SCAMP1: variants seen among roughly 807,000 people sequenced by gnomAD.
The protein encoded by SCAMP1 is secretory carrier-associated membrane protein 1.
A neutral mutation model predicts 41.8 loss-of-function variants in SCAMP1; 15 were observed. The observed-to-expected ratio is 0.36, with a 90% CI of 0.24 to 0.55. The LOEUF is 0.55. Ranked by LOEUF, SCAMP1 falls within the 20% of genes least tolerant of loss-of-function variation. The pLI is 0.86. For synonymous variants in SCAMP1, 135 were observed against 136.8 expected, an observed-to-expected ratio of 0.99 and a Z score of 0.09; for missense variants, 341 against 412.6, an observed-to-expected ratio of 0.83 and a Z score of 1.50.
intron 2 of SCAMP1, among the ~76,000 whole-genome samples, chr5:78,401,133 A>C (rs1305545046): frequency 6.6e-6 from 1 of 152,124 alleles, no homozygotes; most frequent in Non-Finnish European, 1.5e-5. Context: ...TGATGTAATG[A>C]ATTACATTAA....
intron 2 of SCAMP1, among the ~76,000 whole-genome samples, chr5:78,412,560 A>AT (rs1752106462): frequency 6.6e-6 from 1 of 151,924 alleles, no homozygotes; most frequent in Admixed American, 6.5e-5. Flanking sequence ...ATGCACCACC[A>AT]TTGTGTATAT....
At chr5:78,408,755 C>T (rs1014900861) in intron 2 of SCAMP1, among the ~76,000 whole-genome samples, 5 of 152,086 alleles carry the variant, frequency 3.3e-5, no homozygotes, top group Non-Finnish European at 7.4e-5. Context: ...TGTGCCACCA[C>T]ACTTGGTAAA....
rs1057298544 is a variant in SCAMP1, at chr5:78,479,099, GTTTATA to G, written c.*3433_*3438del. 1.3e-5 allele frequency: 2 copies of G among 152,070 alleles called. No homozygotes were observed. Among genetic ancestry groups the G allele is most frequent in the Non-Finnish European group, 2.9e-5 (2 of 67,980 alleles). 9.4% of individuals were successfully genotyped at this position (152,070 alleles called of 1,614,324 possible). A position where few individuals can be genotyped will look rare whatever the true frequency, so the allele number is the denominator to read the frequency against. On this transcript the variant is annotated 3_prime_UTR_variant, in exon 9 of 9. Transcript: ENST00000621999. ...GTACAAATCTGTGTTTGGCATGACT[GTTTATA>G]TACAGAATTTGTTACATTTTGAGCA...
intron 6 of SCAMP1, among the ~76,000 whole-genome samples, chr5:78,424,902 C>G (rs1398524926): frequency 6.6e-6 from 1 of 152,164 alleles, no homozygotes; most frequent in African/African-American, 2.4e-5. Context: ...TTGCATAATG[C>G]TTAGTGATCT....
intron 1 of SCAMP1, among the ~76,000 whole-genome samples, chr5:78,378,465 A>G (rs1211220816): frequency 3.3e-5 from 5 of 152,218 alleles, no homozygotes; most frequent in Non-Finnish European, 7.3e-5. Flanking sequence ...GTAGGAGAGC[A>G]TTTGGAATAC....
At chr5:78,449,754 G>A (rs1482230266) in intron 6 of SCAMP1, among the ~76,000 whole-genome samples, 179 bp from the exon 7 acceptor site, 2 of 152,060 alleles carry the variant, frequency 1.3e-5, no homozygotes, top group African/African-American at 4.8e-5. Context: ...GTTCACATAA[G>A]TTATTACAAT....
intron 6 of SCAMP1, among the ~76,000 whole-genome samples, chr5:78,430,830 G>A (rs1394134791): frequency 6.6e-6 from 1 of 151,984 alleles, no homozygotes; most frequent in Non-Finnish European, 1.5e-5. Context: ...TAAGTTAACT[G>A]ACTTTGGAAT....
chr5:78,413,297 C>T (rs762200118), intron 2 of SCAMP1, among the ~76,000 whole-genome samples: 1 of 152,078 alleles, frequency 6.6e-6, no homozygotes, highest in Non-Finnish European at 1.5e-5. Flanking sequence ...TTTATTGGTA[C>T]ACTTCTCTGT....
Position 78,479,870 on chromosome 5 carries a change from A to G in SCAMP1, c.*4202A>G, listed in dbSNP as rs190016200. Reference sequence around the variant, plus strand: ...ATCCTGGCTAACATGGTGAAACCCCATCTCTACTAAAAATACAAAAAAAAA... The same window carrying G: ...ATCCTGGCTAACATGGTGAAACCCCGTCTCTACTAAAAATACAAAAAAAAA... On this transcript the variant is annotated 3_prime_UTR_variant, in exon 9 of 9. Transcript: ENST00000621999. 0.022 allele frequency among the ~76,000 whole-genome samples: 3,274 copies of G among 150,992 alleles called. 109 individuals carry two copies. Among genetic ancestry groups the G allele is most frequent in the African/African-American group, 0.074 (2,995 of 40,552 alleles).
chr5:78,425,033 A>C (rs1460735329), intron 6 of SCAMP1, among the ~76,000 whole-genome samples: 2 of 152,244 alleles, frequency 1.3e-5, no homozygotes, highest in African/African-American at 4.8e-5. Flanking sequence ...GAGATAATGT[A>C]TGCAAGTTTT....
At chr5:78,394,843 C>T (rs547967418) in intron 2 of SCAMP1, among the ~76,000 whole-genome samples, 16 of 152,208 alleles carry the variant, frequency 1.1e-4, no homozygotes, top group Non-Finnish European at 1.9e-4. Context: ...GTCTTTGGCG[C>T]TAACAGCTTC....
intron 2 of SCAMP1, among the ~76,000 whole-genome samples, chr5:78,391,320 C>CTCGCGG (rs1751492990): frequency 6.6e-6 from 1 of 151,420 alleles, no homozygotes; most frequent in Admixed American, 6.6e-5. Flanking sequence ...GGCGGCTGGC[C>CTCGCGG]GGGCAGAGGG....
rs1561290939 is a variant in SCAMP1, at chr5:78,469,913, C to CAAAAAAAAAAAAAAAAAAAAAAAAAAAAA, written c.853-5572_853-5571insAAAAAAAAAAAAAAAAAAAAAAAAAAAAA. 5.2e-4 allele frequency among the ~76,000 whole-genome samples: 12 copies of CAAAAAAAAAAAAAAAAAAAAAAAAAAAAA among 23,214 alleles called. 1 individual carries two copies. The highest frequency in any genetic ancestry group is 1.3e-3 in the African/African-American group (5 of 3,864). 15.2% of individuals were successfully genotyped at this position (23,214 alleles called of 152,430 possible). ...ATTAAAAAAAAAAAAAAAAAAAAAA[C>CAAAAAAAAAAAAAAAAAAAAAAAAAAAAA]AAAAAAAAAAAAAAAAAAACAACAA... On this transcript the variant is annotated intron_variant, in intron 8 of 8. Transcript: ENST00000621999.
At chr5:78,363,797 T>C (rs1475973564) in intron 1 of SCAMP1, among the ~76,000 whole-genome samples, 1 of 152,222 alleles carries the variant, frequency 6.6e-6, no homozygotes, top group African/African-American at 2.4e-5. Context: ...TAAGGCTATT[T>C]GCTGGATTCA....
At chr5:78,464,399 C>T (rs1426466248) in intron 8 of SCAMP1, among the ~76,000 whole-genome samples, 1 of 152,204 alleles carries the variant, frequency 6.6e-6, no homozygotes, top group African/African-American at 2.4e-5. Context: ...ACTGGGATTA[C>T]AGGCATGAGC....
At chr5:78,424,855 G>A (rs1205464674) in intron 6 of SCAMP1, among the ~76,000 whole-genome samples, 4 of 152,206 alleles carry the variant, frequency 2.6e-5, no homozygotes, top group African/African-American at 9.6e-5. Context: ...GTTGAATGTT[G>A]TTGAGTAACT....
At chr5:78,385,066 T>G (rs1046160357) in intron 1 of SCAMP1, among the ~76,000 whole-genome samples, 1 of 152,226 alleles carries the variant, frequency 6.6e-6, no homozygotes, top group Non-Finnish European at 1.5e-5. Context: ...CAGCTGTGAA[T>G]CCATCTGGCC....
chr5:78,391,109 C>A (rs1580657880), intron 2 of SCAMP1, among the ~76,000 whole-genome samples: 3 of 47,404 alleles, frequency 6.3e-5, no homozygotes, highest in South Asian at 4.8e-4. Context: ...ACCTTTCCCC[C>A]CTTTCCACTC....
chr5:78,390,644 G>A (rs3885254), intron 2 of SCAMP1, among the ~76,000 whole-genome samples: 27,843 of 151,748 alleles, frequency 0.18, 3,180 homozygotes, highest in Admixed American at 0.34. Flanking sequence ...AGAATGAAAA[G>A]AGATTTTTTT....
Sources: gnomAD v4.1 joint callset for allele counts (sites outside exome capture counted in the v4.1 genomes callset) on GRCh38, gnomAD v4.1.1 for gene constraint, MANE v1.5 for transcripts, NCBI Gene and HGNC (gene_info 2026-07-23, HGNC 2026-07-21) for gene names.